The following GPC6 variants were observed in gnomAD, a reference collection of about 807,000 sequenced individuals.
The protein encoded by GPC6 is glypican-6.
GPC6 carries 14 observed loss-of-function variants against 55.2 expected under a neutral mutation model. That is an observed-to-expected ratio of 0.25 (90% confidence interval 0.17 to 0.40). The LOEUF (loss-of-function observed/expected upper bound fraction) is 0.40. Ranked by LOEUF, GPC6 falls within the 10% of genes least tolerant of loss-of-function variation. The pLI is 1.00. For missense variants in GPC6, 641 were observed against 708.5 expected (o/e 0.90, Z 1.08); for synonymous variants, 278 against 259.6 (o/e 1.07, Z -0.68).
chr13:94,092,652 C>T (rs534601050), intron 4 of GPC6, among the ~76,000 whole-genome samples: 64 of 152,050 alleles, frequency 4.2e-4, no homozygotes, highest in African/African-American at 1.4e-3. Context: ...GACCTAGAAC[C>T]GGGATTGCTA....
chr13:93,673,598 A>G (rs920131616), intron 2 of GPC6, among the ~76,000 whole-genome samples: 4 of 152,104 alleles, frequency 2.6e-5, no homozygotes, highest in Non-Finnish European at 4.4e-5. Flanking sequence ...ATGATCACCT[A>G]AAGTCCTTTG....
At chr13:94,053,696 T>A (rs1336430821) in intron 4 of GPC6, among the ~76,000 whole-genome samples, 2 of 152,120 alleles carry the variant, frequency 1.3e-5, no homozygotes, top group African/African-American at 2.4e-5. Flanking sequence ...TAACTCCAGG[T>A]CTGTAAACAC....
chr13:94,098,132 G>T lies in GPC6; in HGVS notation c.877+70238G>T, dbSNP rs577939968. 2.5e-3 allele frequency among the ~76,000 whole-genome samples: 382 copies of T among 152,296 alleles called. 2 individuals carry two copies. The highest frequency in any genetic ancestry group is 8.9e-3 in the African/African-American group (370 of 41,560). ...GAAAATCAGACATGCTGCTTATTAA[G>T]AAATGTAATATGGAAACTCTTCATT... On this transcript the variant is annotated intron_variant, in intron 4 of 8. Transcript: ENST00000377047.
chr13:93,816,579 A>T (rs1412256134), intron 2 of GPC6, among the ~76,000 whole-genome samples: 2 of 151,792 alleles, frequency 1.3e-5, no homozygotes, highest in African/African-American at 2.4e-5. Context: ...TTATTAGACA[A>T]AATACTTCCT....
chr13:93,976,485 G>A (rs897757970), intron 3 of GPC6, among the ~76,000 whole-genome samples: 1 of 151,600 alleles, frequency 6.6e-6, no homozygotes, highest in Non-Finnish European at 1.5e-5. Context: ...GAATTAATAC[G>A]AGGACCTAAA....
intron 3 of GPC6, among the ~76,000 whole-genome samples, chr13:93,972,486 G>A (rs923744392): frequency 6.6e-6 from 1 of 152,148 alleles, no homozygotes; most frequent in Non-Finnish European, 1.5e-5. Context: ...GCATCCTAAG[G>A]TGCTTTCAGG....
chr13:94,363,284 T>C (rs1879141379), intron 6 of GPC6, among the ~76,000 whole-genome samples: 1 of 152,102 alleles, frequency 6.6e-6, no homozygotes, highest in Non-Finnish European at 1.5e-5. Context: ...AAAAAAGCTG[T>C]TCATAGGCAA....
chr13:94,345,692 A>G (rs1339050167), intron 6 of GPC6, among the ~76,000 whole-genome samples: 1 of 152,192 alleles, frequency 6.6e-6, no homozygotes, highest in Admixed American at 6.5e-5. Flanking sequence ...TCTCTTGAGA[A>G]CATCCACCTG....
rs1881214450 is a variant in GPC6, at chr13:94,403,049, G to C, written c.1500G>C (p.Gly500=). 6.2e-7 allele frequency: 1 copy of C among 1,613,500 alleles called. No individual in the cohort carries two copies. Among genetic ancestry groups the C allele is most frequent in the African/African-American group, 1.3e-5 (1 of 74,910 alleles). ...CCAGTGGCTCAGGGAGTGGCAGTGG[G>C]TGCATGGATGACGTGTGTCCCACGG... ...DESSGSGSGS[G]CMDDVCPTEF... Residue 500 remains glycine, a synonymous_variant, in exon 9 of 9, where the codon GGG becomes GGC. Coordinates refer to ENST00000377047, the MANE Select transcript of GPC6 (RefSeq NM_005708.5).
At chr13:93,499,285 T>C (rs1447216104) in intron 1 of GPC6, among the ~76,000 whole-genome samples, 2 of 152,224 alleles carry the variant, frequency 1.3e-5, no homozygotes, top group African/African-American at 2.4e-5. Flanking sequence ...ATCTGCTTAG[T>C]TGTCAGAGAT....
intron 2 of GPC6, among the ~76,000 whole-genome samples, chr13:93,637,600 T>C (rs144333990): frequency 3.1e-4 from 47 of 152,292 alleles, no homozygotes; most frequent in African/African-American, 9.6e-4. Flanking sequence ...CTCAGAACTT[T>C]CCTATAGGTG....
chr13:93,874,964 A>G (rs1189072573), intron 3 of GPC6, among the ~76,000 whole-genome samples: 1 of 151,926 alleles, frequency 6.6e-6, no homozygotes, highest in Non-Finnish European at 1.5e-5. Flanking sequence ...TCTAGGAGGG[A>G]AGAGATTTAG....
At chr13:93,353,090 G>A (rs897883824) in intron 1 of GPC6, among the ~76,000 whole-genome samples, 25 of 152,162 alleles carry the variant, frequency 1.6e-4, no homozygotes, top group African/African-American at 1.9e-4. Context: ...ATTTGCTGAT[G>A]TATTGTATAT....
At chr13:93,547,174 CAA>C (rs55697128) in intron 2 of GPC6, among the ~76,000 whole-genome samples, 1,829 of 128,974 alleles carry the variant, frequency 0.014, 32 homozygotes, top group African/African-American at 0.049. Context: ...ACTAAAAATA[CAA>C]AAAAAAAAAA....
intron 1 of GPC6, among the ~76,000 whole-genome samples, chr13:93,245,907 C>A (rs1203320995): frequency 2.0e-5 from 3 of 152,208 alleles, no homozygotes; most frequent in Non-Finnish European, 2.9e-5. Context: ...AACGATTCTT[C>A]TTCCTAAGTA....
chr13:93,772,504 G>A (rs1029640354), intron 2 of GPC6, among the ~76,000 whole-genome samples: 6 of 152,014 alleles, frequency 3.9e-5, no homozygotes, highest in Non-Finnish European at 8.8e-5. Flanking sequence ...ATCTTGTGAT[G>A]AGCAGAGAGG....
At chr13:94,191,259 C>T (rs1889384414) in intron 4 of GPC6, among the ~76,000 whole-genome samples, 1 of 152,114 alleles carries the variant, frequency 6.6e-6, no homozygotes, top group Non-Finnish European at 1.5e-5. Context: ...ACTAGAAATG[C>T]TAGGTGAAGA....
chr13:93,327,599 A>G lies in GPC6; in HGVS notation c.160+99983A>G, dbSNP rs554666466. 7.4e-4 allele frequency among the ~76,000 whole-genome samples: 113 copies of G among 152,242 alleles called. 1 individual carries two copies. The highest frequency in any genetic ancestry group is 2.6e-3 in the African/African-American group (108 of 41,542). ...GACCTGGATTAAAATCCTGGCTCAGATCCTGGCTAGTTTAGGAAACATCTC... is the reference window on the plus strand; with the variant it reads ...GACCTGGATTAAAATCCTGGCTCAGGTCCTGGCTAGTTTAGGAAACATCTC... On this transcript the variant is annotated intron_variant, in intron 1 of 8. Coordinates refer to ENST00000377047, the MANE Select transcript of GPC6 (RefSeq NM_005708.5).
chr13:94,048,281 C>T lies in GPC6; in HGVS notation c.877+20387C>T, dbSNP rs144754479. ...TGAAGGGTTATAAATATATTTTTGCCGTCTTGGGAACAGCCATAAGGATAA... is the reference window on the plus strand; with the variant it reads ...TGAAGGGTTATAAATATATTTTTGCTGTCTTGGGAACAGCCATAAGGATAA... On this transcript the variant is annotated intron_variant, in intron 4 of 8. Coordinates refer to ENST00000377047, the MANE Select transcript of GPC6 (RefSeq NM_005708.5). Among the ~76,000 whole-genome samples, 243 of 151,864 alleles carry T rather than the reference C, an allele frequency of 1.6e-3. 1 individual carries two copies. The highest frequency in any genetic ancestry group is 5.6e-3 in the African/African-American group (232 of 41,416).
Sources: allele counts gnomAD v4.1 joint callset (sites outside exome capture counted in the v4.1 genomes callset), GRCh38; gene constraint gnomAD v4.1.1; transcripts MANE v1.5; gene names NCBI Gene and HGNC (gene_info 2026-07-23, HGNC 2026-07-21).